Variants in CLN6 observed in about 807,000 individuals in gnomAD.
The protein encoded by CLN6 is ceroid-lipofuscinosis neuronal protein 6.
CLN6 carries 22 observed loss-of-function variants against 33.3 expected under a neutral mutation model. The observed-to-expected ratio is 0.66, with a 90% confidence interval of 0.47 to 0.94. The LOEUF (loss-of-function observed/expected upper bound fraction) is 0.94, where lower values mean the gene tolerates loss of function less well. Ranked by LOEUF, CLN6 falls within the 40% of genes least tolerant of loss-of-function variation. CLN6 has a pLI of 0.00. For synonymous variants in CLN6, 201 were observed against 174.6 expected, an observed-to-expected ratio of 1.15 and a Z score of -1.19; for missense variants, 387 against 417.1, an observed-to-expected ratio of 0.93 and a Z score of 0.63.
intron 1 of CLN6, among the ~76,000 whole-genome samples, chr15:68,249,330 C>G (rs1892355340): frequency 6.6e-6 from 1 of 152,150 alleles, no homozygotes; most frequent in Non-Finnish European, 1.5e-5. Context: ...GGTATATATC[C>G]AAAAGAGAGG....
chr15:68,221,017 A>G (rs2093234208), intron 1 of CLN6, among the ~76,000 whole-genome samples: 1 of 151,060 alleles, frequency 6.6e-6, no homozygotes, highest in African/African-American at 2.4e-5. Context: ...TATTATTATT[A>G]TTATTATTAT....
At chr15:68,233,124 A>C (rs1382255058), upstream of CLN6, among the ~76,000 whole-genome samples, 3 of 151,820 alleles carry the variant, frequency 2.0e-5, no homozygotes, top group East Asian at 5.8e-4. The surrounding 1 kb of genome is among the most constrained non-coding windows in gnomAD (Gnocchi z 4.3). Flanking sequence ...TCCGCAGTGC[A>C]CTCTCTTGTG....
Position 68,234,869 on chromosome 15 carries a change from T to C in CLN6, c.180-16219A>G, listed in dbSNP as rs1892203531. On this transcript the variant is annotated intron_variant, in intron 1 of 6. Transcript: ENST00000538696. This position sits in a 1 kb window ranked among gnomAD's most constrained non-coding sequence, Gnocchi z 4.1. ...CCGTCTCTACTAAAAATACAACAATTAGCTGGGCATGGTGGCAGGTGCCTG... is the reference window on the plus strand; with the variant it reads ...CCGTCTCTACTAAAAATACAACAATCAGCTGGGCATGGTGGCAGGTGCCTG... Among the ~76,000 whole-genome samples, 1 of 151,924 alleles carries C rather than the reference T, an allele frequency of 6.6e-6. No individual in the cohort carries two copies. The highest frequency in any genetic ancestry group is 2.1e-4 in the South Asian group (1 of 4,812).
In CLN6 at chr15:68,211,279, G is replaced by C; in HGVS notation, c.526C>G (p.Leu176Val). ...FELLYYYDEY[L>V]GHCMWYIPFF... ...ATCACTCACCACATGCAGTGACCCA[G>C]GTACTCATCATAATAGTAGAGCAGC... Residue 176 changes from leucine (L) to valine (V), a missense_variant, in exon 5 of 7, where the codon CTG (leucine) becomes GTG (valine). Leu to Val is a conservative substitution (Grantham distance 32). Coordinates refer to ENST00000249806, the MANE Select transcript of CLN6 (RefSeq NM_017882.3). The surrounding 1 kb of genome is among the most constrained non-coding windows in gnomAD (Gnocchi z 5.9). 6.2e-7 allele frequency: 1 copy of C among 1,614,054 alleles called. No homozygotes were observed. Among genetic ancestry groups the C allele is most frequent in the South Asian group, 1.1e-5 (1 of 91,084 alleles).
upstream of CLN6, among the ~76,000 whole-genome samples, chr15:68,232,348 G>A (rs2093269670): frequency 6.6e-6 from 1 of 151,952 alleles, no homozygotes; most frequent in Non-Finnish European, 1.5e-5. This position sits in a 1 kb window ranked among gnomAD's most constrained non-coding sequence, Gnocchi z 4.7. Context: ...TAGTAGAGAC[G>A]GGGTTTCACC....
chr15:68,216,763 C>CT (rs1416549656), intron 2 of CLN6, among the ~76,000 whole-genome samples: 10 of 152,212 alleles, frequency 6.6e-5, no homozygotes. Flanking sequence ...CAATGAACAT[C>CT]TTTGAGTTAG....
chr15:68,238,533 T>C (rs1168504053), intron 1 of CLN6, among the ~76,000 whole-genome samples: 4 of 152,112 alleles, frequency 2.6e-5, no homozygotes, highest in East Asian at 3.9e-4. Flanking sequence ...AAAAACTATA[T>C]GGTGGCAGCA....
At chr15:68,218,673 A>G in intron 1 of CLN6, 23 bp from the exon 2 acceptor site, 2 of 1,575,696 alleles carry the variant, frequency 1.3e-6, no homozygotes, top group Non-Finnish European at 1.7e-6. Context: ...CAGACGAGAG[A>G]AGTCAGCTCT....
chr15:68,242,050 T>C lies in CLN6; in HGVS notation c.179+14640A>G, dbSNP rs1850351. 0.55 allele frequency among the ~76,000 whole-genome samples: 83,390 copies of C among 151,678 alleles called. 23,448 individuals carry two copies. The highest frequency in any genetic ancestry group is 0.61 in the African/African-American group (25,268 of 41,348). ...GATGTAGATGTATATCCACAAGAAA[T>C]AACAGGAAACAGGAAACCATGGGCA... On this transcript the variant is annotated intron_variant, in intron 1 of 6. Transcript: ENST00000538696. The surrounding 1 kb of genome is among the most constrained non-coding windows in gnomAD (Gnocchi z 5.0).
At chr15:68,218,504 G>C in intron 2 of CLN6, 32 bp downstream of exon 2, 1 of 1,494,398 alleles carries the variant, frequency 6.7e-7, no homozygotes, top group Non-Finnish European at 9.3e-7. Context: ...CCTCAGTGCT[G>C]GTCAGAGCCC....
Position 68,256,945 on chromosome 15 carries a change from TG to T in CLN6, c.-78del. The T allele has an allele frequency of 1.7e-6, 1 of 601,166 alleles. No individual in the cohort carries two copies. The highest frequency in any genetic ancestry group is 3.0e-6 in the Non-Finnish European group (1 of 335,720). The allele number at this position is 601,166 out of a possible 1,614,324, so 37.2% of individuals were successfully genotyped here. A position where few individuals can be genotyped will look rare whatever the true frequency, so the allele number is the denominator to read the frequency against. ...CGTCCCACCGCGTCGTGGGGCAGGG[TG>T]TAGTGATGGTCACGCATCCCTTCCC... On this transcript the variant is annotated 5_prime_UTR_variant, in exon 1 of 7. Transcript: ENST00000538696. The surrounding 1 kb of genome is among the most constrained non-coding windows in gnomAD (Gnocchi z 4.1).
rs1250096918 is a variant in CLN6 at position 68,254,762 on chromosome 15, GC to G, written c.179+1927del. 7.6e-6 allele frequency: 6 copies of G among 789,686 alleles called. No individual in the cohort carries two copies. The East Asian group carries it at 1.5e-4, about 19-fold the overall frequency. The allele number at this position is 789,686 out of a possible 1,614,324, so 48.9% of individuals were successfully genotyped here. Reference sequence around the variant, plus strand: ...AAAGCCAGAGCCCAAACCTAAAAAGGCCCCTGCAAAGAAGGGAGAGAAGGTA... The same window carrying G: ...AAAGCCAGAGCCCAAACCTAAAAAGGCCCTGCAAAGAAGGGAGAGAAGGTA... On this transcript the variant is annotated intron_variant, in intron 1 of 6. Coordinates refer to the CLN6 transcript ENST00000538696.
In CLN6 at chr15:68,236,478, G is replaced by C. The variant is rs997116055; in HGVS notation, c.180-17828C>G. The stretch of plus-strand genomic sequence containing the variant: ...TTCAACCTTGGAAACATTATGCTAA[G>C]TGAAAAATGCAAGTCATAAAAGGCC... On this transcript the variant is annotated intron_variant, in intron 1 of 6. Coordinates refer to the CLN6 transcript ENST00000538696. This position sits in a 1 kb window ranked among gnomAD's most constrained non-coding sequence, Gnocchi z 4.5. 3.3e-4 allele frequency among the ~76,000 whole-genome samples: 51 copies of C among 152,332 alleles called. No individual in the cohort carries two copies. The highest frequency in any genetic ancestry group is 2.2e-4 in the Non-Finnish European group (15 of 68,032).
chr15:68,229,446 C>A, intron 1 of CLN6, 56 bp downstream of exon 1: 1 of 1,342,736 alleles, frequency 7.4e-7, no homozygotes, highest in South Asian at 1.4e-5. Flanking sequence ...GTGGCGGGTC[C>A]CGAGGCCCCA....
chr15:68,229,725 A>G lies in CLN6; in HGVS notation c.-141T>C. The G allele has an allele frequency of 6.2e-6, 3 of 480,342 alleles. No homozygotes were observed. The highest frequency in any genetic ancestry group is 9.3e-6 in the Non-Finnish European group (3 of 323,138). 29.8% of individuals were successfully genotyped at this position (480,342 alleles called of 1,614,324 possible). A position where few individuals can be genotyped will look rare whatever the true frequency, so the allele number is the denominator to read the frequency against. On this transcript the variant is annotated 5_prime_UTR_variant, in exon 1 of 7. Coordinates refer to ENST00000249806, the MANE Select transcript of CLN6 (RefSeq NM_017882.3). ...CGAGAGCGCGCGGCCCTCGGGAGGA[A>G]CAGGCGGGGCTGCGGACCCGGGGCG...
intron 1 of CLN6, among the ~76,000 whole-genome samples, chr15:68,229,094 G>A (rs987289458): frequency 6.6e-6 from 1 of 152,190 alleles, no homozygotes; most frequent in Admixed American, 6.5e-5. Flanking sequence ...GAACGCGGAG[G>A]TGGCGCCCGG....
At chr15:68,232,023 C>A (rs1469100443), upstream of CLN6, among the ~76,000 whole-genome samples, 1 of 152,124 alleles carries the variant, frequency 6.6e-6, no homozygotes, top group Non-Finnish European at 1.5e-5. The surrounding 1 kb of genome is among the most constrained non-coding windows in gnomAD (Gnocchi z 4.7). Flanking sequence ...AGTCTCAGCT[C>A]TCTGAGCTGC....
At chr15:68,248,421 G>A (rs1892347156) in intron 1 of CLN6, 1 of 152,208 alleles carries the variant, frequency 6.6e-6, no homozygotes, top group Admixed American at 6.5e-5. Flanking sequence ...GCCGAGGTGG[G>A]CGGATAACGA....
At chr15:68,223,333 G>A (rs1289261667) in intron 1 of CLN6, among the ~76,000 whole-genome samples, 1 of 152,060 alleles carries the variant, frequency 6.6e-6, no homozygotes, top group African/African-American at 2.4e-5. Flanking sequence ...GAGAAGGGAC[G>A]GGCGGCTCGA....
Sources: allele counts gnomAD v4.1 joint callset (sites outside exome capture counted in the v4.1 genomes callset), GRCh38; gene constraint gnomAD v4.1.1; non-coding constraint Gnocchi (gnomAD v3.1); transcripts MANE v1.5; gene names NCBI Gene and HGNC (gene_info 2026-07-23, HGNC 2026-07-21).